SPAG9: variants seen among roughly 807,000 people sequenced by gnomAD.
The protein encoded by SPAG9 is sperm associated antigen 9, also known as C-Jun-amino-terminal kinase-interacting protein 4.
Under a neutral mutation model 166.5 loss-of-function variants are expected in SPAG9, and 35 were observed. The ratio of observed to expected loss-of-function variants is 0.21; its 90% CI spans 0.16 to 0.28. SPAG9 has a LOEUF of 0.28. Ranked by LOEUF, SPAG9 falls within the 10% of genes least tolerant of loss-of-function variation. The pLI is 1.00. For missense variants in SPAG9, 1,235 were observed against 1,603.3 expected, an observed-to-expected ratio of 0.77 and a Z score of 3.92; for synonymous variants, 534 against 565.5, an observed-to-expected ratio of 0.94 and a Z score of 0.79.
At chr17:51,053,853 A>ATATATATATAT (rs2047260847) in intron 3 of SPAG9, among the ~76,000 whole-genome samples, 3 of 56,152 alleles carry the variant, frequency 5.3e-5, no homozygotes, top group East Asian at 4.9e-4. Context: ...AAAAAAAAAA[A>ATATATATATAT]AGTATATATA....
In SPAG9 at chr17:50,981,836, C is replaced by A. The variant is rs186776776; in HGVS notation, c.3237+688G>T. Among the ~76,000 whole-genome samples, 303 of 151,798 alleles carry A rather than the reference C, an allele frequency of 2.0e-3. 1 individual carries two copies. Among genetic ancestry groups the A allele is most frequent in the Non-Finnish European group, 3.5e-3 (240 of 67,930 alleles). Reference sequence around the variant, plus strand: ...CACGAGGTTGGGAGTTCGAGACCAGCCTGGCCAACATGGTGAAACCCCGTC... The same window carrying A: ...CACGAGGTTGGGAGTTCGAGACCAGACTGGCCAACATGGTGAAACCCCGTC... On this transcript the variant is annotated intron_variant, in intron 25 of 29. Transcript: ENST00000262013.
Position 51,079,618 on chromosome 17 carries a change from T to C in SPAG9, c.390A>G (p.Gln130=), listed in dbSNP as rs1253481590. The stretch of plus-strand genomic sequence containing the variant: ...CATAGTTTTTCGCTTTCAGCTCAAG[T>C]TGTCTTGTTTGAGATTCTAAAGATT... ...RVESLESQTR[Q]LELKAKNYAD... Residue 130 remains glutamine, a synonymous_variant, in exon 2 of 30, where the codon CAA becomes CAG. Coordinates refer to ENST00000262013, the MANE Select transcript of SPAG9 (RefSeq NM_001130528.3). 1.9e-6 allele frequency: 3 copies of C among 1,613,878 alleles called. No homozygotes were observed. Among genetic ancestry groups the C allele is most frequent in the East Asian group, 2.2e-5 (1 of 44,896 alleles).
chr17:51,047,816 T>C (rs909475501), intron 3 of SPAG9, among the ~76,000 whole-genome samples: 3 of 151,660 alleles, frequency 2.0e-5, no homozygotes, highest in Admixed American at 6.6e-5. Context: ...TAAAAGACCA[T>C]TGGTTAAAAA....
intron 19 of SPAG9, among the ~76,000 whole-genome samples, chr17:50,991,642 C>T (rs1422473837): frequency 3.4e-5 from 5 of 148,244 alleles, no homozygotes; most frequent in East Asian, 3.9e-4. Context: ...TTTTTTTTGG[C>T]GACAGAGTTT....
At position 51,001,558 on chromosome 17, in the gene SPAG9, TTC is replaced by T. The variant is rs1264993627; in HGVS notation, c.1607+155_1607+156del. On this transcript the variant is annotated intron_variant, in intron 13 of 29. Coordinates refer to ENST00000262013, the MANE Select transcript of SPAG9 (RefSeq NM_001130528.3). ...CCAAAAAGCACCTCCTTTGATCACA[TTC>T]TGTTGCTAATTCTGAGTGTTACTTT... is the stretch of plus-strand genomic sequence containing the variant. 2.0e-5 allele frequency among the ~76,000 whole-genome samples: 3 copies of T among 152,198 alleles called. No homozygotes were observed. The South Asian group carries it at 6.2e-4, about 31-fold the overall frequency.
intron 19 of SPAG9, among the ~76,000 whole-genome samples, chr17:50,992,199 C>T (rs1320583121): frequency 6.6e-6 from 1 of 151,858 alleles, no homozygotes; most frequent in Non-Finnish European, 1.5e-5. Flanking sequence ...ATTTCTAAAG[C>T]TTTTCCATCA....
At chr17:51,019,602 CAGGACTTTGGGAGGCCG>C (rs1486724494) in intron 8 of SPAG9, among the ~76,000 whole-genome samples, 1 of 151,094 alleles carries the variant, frequency 6.6e-6, no homozygotes, top group Non-Finnish European at 1.5e-5. Flanking sequence ...ACTGTAATCC[CAGGACTTTGGGAGGCCG>C]AGGCGGGTGG....
chr17:51,010,712 A>C (rs1363625231), intron 9 of SPAG9, among the ~76,000 whole-genome samples: 1 of 152,006 alleles, frequency 6.6e-6, no homozygotes, highest in Non-Finnish European at 1.5e-5. Flanking sequence ...CATTCACTAA[A>C]ACAGTGCCTG....
chr17:51,039,223 CCTCAATCT>C (rs1376827441), intron 5 of SPAG9, among the ~76,000 whole-genome samples: 2 of 152,300 alleles, frequency 1.3e-5, no homozygotes, highest in East Asian at 3.9e-4. Flanking sequence ...GCTAGGTCAT[CCTCAATCT>C]CAGGGGAAAT....
intron 9 of SPAG9, among the ~76,000 whole-genome samples, chr17:51,011,277 C>T (rs768658421): frequency 1.1e-4 from 17 of 150,032 alleles, no homozygotes; most frequent in Admixed American, 2.0e-4. Context: ...GCCTACACAA[C>T]GTAGTGAGAT....
chr17:51,032,935 A>C (rs1026379851), intron 5 of SPAG9, among the ~76,000 whole-genome samples: 1 of 151,188 alleles, frequency 6.6e-6, no homozygotes, highest in Non-Finnish European at 1.5e-5. Context: ...ACTCCATCTC[A>C]AAAAAAAATA....
intron 27 of SPAG9, 24 bp downstream of exon 27, chr17:50,977,084 G>A: frequency 7.4e-7 from 1 of 1,349,714 alleles, no homozygotes; most frequent in Non-Finnish European, 1.1e-6. Context: ...TTGTTCCATG[G>A]CAGTTATCTA....
chr17:50,994,937 G>A, intron 18 of SPAG9, 120 bp downstream of exon 18: 1 of 671,970 alleles, frequency 1.5e-6, no homozygotes, highest in Non-Finnish European at 2.6e-6. Flanking sequence ...AGGGTGCTGA[G>A]GGACAGTAAG....
rs1218507166 is a variant in SPAG9, at chr17:50,962,697, T to C, written c.*3575A>G. 1 of 152,238 alleles carries C rather than the reference T, an allele frequency of 6.6e-6. No homozygotes were observed. The highest frequency in any genetic ancestry group is 6.5e-5 in the Admixed American group (1 of 15,288). The allele number at this position is 152,238 out of a possible 1,614,324, so 9.4% of individuals were successfully genotyped here. A position where few individuals can be genotyped will look rare whatever the true frequency, so the allele number is the denominator to read the frequency against. On this transcript the variant is annotated 3_prime_UTR_variant, in exon 30 of 30. Coordinates refer to ENST00000262013, the MANE Select transcript of SPAG9 (RefSeq NM_001130528.3). ...ACAAGGAAATAAATATTCAGTTCCATGGCATTTGCAAGACACATGTTCTTT... is the reference window on the plus strand; with the variant it reads ...ACAAGGAAATAAATATTCAGTTCCACGGCATTTGCAAGACACATGTTCTTT...
chr17:51,081,142 G>A (rs2144646316), intron 1 of SPAG9, among the ~76,000 whole-genome samples: 1 of 152,174 alleles, frequency 6.6e-6, no homozygotes, highest in East Asian at 1.9e-4. Context: ...ATCATCTAAT[G>A]CCTGGATTAC....
chr17:51,032,951 T>G, intron 5 of SPAG9, among the ~76,000 whole-genome samples: 1 of 150,770 alleles, frequency 6.6e-6, no homozygotes. Context: ...AAATAAAAAA[T>G]ACAAAATACA....
intron 1 of SPAG9, among the ~76,000 whole-genome samples, chr17:51,084,563 C>T (rs567157755): frequency 2.0e-5 from 3 of 152,214 alleles, no homozygotes; most frequent in Admixed American, 6.5e-5. Context: ...TGGGCTACCA[C>T]GCCCAGCTAA....
At chr17:51,002,309 G>A (rs968067808) in intron 12 of SPAG9, among the ~76,000 whole-genome samples, 1 of 152,064 alleles carries the variant, frequency 6.6e-6, no homozygotes, top group Non-Finnish European at 1.5e-5. Flanking sequence ...AAGCCACTGT[G>A]CCCAGCCAAC....
At chr17:51,112,996 G>C (rs1464673605) in intron 1 of SPAG9, among the ~76,000 whole-genome samples, 3 of 142,160 alleles carry the variant, frequency 2.1e-5, no homozygotes, top group South Asian at 2.3e-4. Context: ...CCAACCAAAG[G>C]AAAAAAAAAT....
Sources: gnomAD v4.1 joint callset for allele counts (sites outside exome capture counted in the v4.1 genomes callset) on GRCh38, gnomAD v4.1.1 for gene constraint, MANE v1.5 for transcripts, NCBI Gene and HGNC (gene_info 2026-07-23, HGNC 2026-07-21) for gene names.